PRADC1: variants seen among roughly 807,000 people sequenced by gnomAD.
PRADC1 encodes protease associated domain containing 1.
In PRADC1, 23 loss-of-function variants were observed where a neutral mutation model predicts 22.9. That is an observed-to-expected ratio of 1.00 (90% CI 0.72 to 1.42). The LOEUF (loss-of-function observed/expected upper bound fraction) is 1.42. Among genes scored for constraint, PRADC1 ranks in the 40% most tolerant of loss-of-function variants. PRADC1 has a pLI of 0.00. For missense variants in PRADC1, 207 were observed against 258.3 expected, an observed-to-expected ratio of 0.80 and a Z score of 1.36; for synonymous variants, 71 against 100.3, an observed-to-expected ratio of 0.71 and a Z score of 1.75.
intron 1 of PRADC1, among the ~76,000 whole-genome samples, chr2:73,232,073 C>A (rs1353944736): frequency 6.6e-6 from 1 of 152,164 alleles, no homozygotes; most frequent in African/African-American, 2.4e-5. Flanking sequence ...CGGTGGCTCA[C>A]GCCTGTAATC....
intron 1 of PRADC1, among the ~76,000 whole-genome samples, chr2:73,232,344 AAAAAAAG>A (rs1686666081): frequency 6.6e-6 from 1 of 152,014 alleles, no homozygotes; most frequent in Non-Finnish European, 1.5e-5. Context: ...CTCAAAAAAA[AAAAAAAG>A]AAAAAAAGAA....
chr2:73,228,373 C>A lies in PRADC1; in HGVS notation c.*81G>T. 6.4e-7 allele frequency: 1 copy of A among 1,570,858 alleles called. No homozygotes were observed. Among genetic ancestry groups the A allele is most frequent in the Non-Finnish European group, 8.7e-7 (1 of 1,152,764 alleles). ...CTCCACTTGTCCCCAGATGCTATCT[C>A]CAAATTCCAAGTAGCAAAATTCCTG... On this transcript the variant is annotated 3_prime_UTR_variant, in exon 5 of 5. Transcript: ENST00000258083. The surrounding 1 kb of genome is among the most constrained non-coding windows in gnomAD (Gnocchi z 4.0).
chr2:73,228,363 G>C lies in PRADC1; in HGVS notation c.*91C>G, dbSNP rs1252330087. On this transcript the variant is annotated 3_prime_UTR_variant, in exon 5 of 5. Transcript: ENST00000258083. This position sits in a 1 kb window ranked among gnomAD's most constrained non-coding sequence, Gnocchi z 4.0. ...CTCTACCTGGCTCCACTTGTCCCCA[G>C]ATGCTATCTCCAAATTCCAAGTAGC... is the stretch of plus-strand genomic sequence containing the variant. 1 of 1,525,568 alleles carries C rather than the reference G, an allele frequency of 6.6e-7. No individual in the cohort carries two copies. The highest frequency in any genetic ancestry group is 8.9e-7 in the Non-Finnish European group (1 of 1,117,446). 94.5% of individuals were successfully genotyped at this position (1,525,568 alleles called of 1,614,324 possible).
intron 3 of PRADC1, 63 bp from the exon 4 acceptor site, chr2:73,229,025 T>G: frequency 6.7e-7 from 1 of 1,481,974 alleles, no homozygotes; most frequent in East Asian, 2.3e-5. Context: ...CCCCAGACCA[T>G]CACCCTGGGA....
chr2:73,230,430 T>G (rs769863959), intron 1 of PRADC1, among the ~76,000 whole-genome samples: 2 of 152,230 alleles, frequency 1.3e-5, no homozygotes, highest in Non-Finnish European at 2.9e-5. Context: ...GAGGCTTATA[T>G]CAGCTGCTGC....
At position 73,228,672 on chromosome 2, in the gene PRADC1, T is replaced by A; in HGVS notation, c.447-98A>T. ...TCTGGGAGTTCCAAAGCCCGAGATC[T>A]TTTTTTGCCCTCTAACTGAAGCACC... On this transcript the variant is annotated intron_variant, in intron 4 of 4. Transcript: ENST00000258083. This position sits in a 1 kb window ranked among gnomAD's most constrained non-coding sequence, Gnocchi z 4.0. 1 of 1,591,646 alleles carries A rather than the reference T, an allele frequency of 6.3e-7. No individual in the cohort carries two copies. The highest frequency in any genetic ancestry group is 8.6e-7 in the Non-Finnish European group (1 of 1,165,702).
At chr2:73,229,659 C>G in intron 2 of PRADC1, 89 bp from the exon 3 acceptor site, 1 of 961,856 alleles carries the variant, frequency 1.0e-6, no homozygotes, top group East Asian at 2.5e-5. Context: ...TTATTGGCAC[C>G]TTATAAAGTG....
Position 73,228,945 on chromosome 2 carries a change from G to C in PRADC1, c.296C>G (p.Ser99Cys), listed in dbSNP as rs562846281. 1 of 1,613,920 alleles carries C rather than the reference G, an allele frequency of 6.2e-7. No homozygotes were observed. Among genetic ancestry groups the C allele is most frequent in the Non-Finnish European group, 8.5e-7 (1 of 1,180,000 alleles). ...LVERGGCSFL[S>C]KTRVVQEHGG... The stretch of plus-strand genomic sequence containing the variant: ...GTGCTCCTGGACCACCCGAGTCTTG[G>C]AGAGGAAGGAGCAGCCCCTGGAAGA... Residue 99 changes from serine (S) to cysteine (C), a missense_variant, in exon 4 of 5, where the codon TCC becomes TGC. Transcript: ENST00000258083. This position sits in a 1 kb window ranked among gnomAD's most constrained non-coding sequence, Gnocchi z 4.0.
Position 73,228,712 on chromosome 2 carries a change from G to A in PRADC1, c.446+83C>T. On this transcript the variant is annotated intron_variant, in intron 4 of 4. Transcript: ENST00000258083. The surrounding 1 kb of genome is among the most constrained non-coding windows in gnomAD (Gnocchi z 4.0). ...ACTGAAGCACCCCAAGTTGAGGCCT[G>A]CAAGAAGGGACTGGTGATTACCCCT... The A allele has an allele frequency of 1.3e-6, 2 of 1,582,584 alleles. No individual in the cohort carries two copies. Among genetic ancestry groups the A allele is most frequent in the Non-Finnish European group, 1.7e-6 (2 of 1,160,732 alleles).
Position 73,228,920 on chromosome 2 carries a change from G to A in PRADC1, c.321C>T (p.His107=), listed in dbSNP as rs748507079. ...CAGAGATGATCACCGCCCGCCCGCC[G>A]TGCTCCTGGACCACCCGAGTCTTGG... ...FLSKTRVVQE[H]GGRAVIISDN... is the part of the protein sequence containing the mutation. The change falls in exon 4 of 5, where the codon CAC becomes CAT. Residue 107 remains histidine, a synonymous_variant. Transcript: ENST00000258083. This position sits in a 1 kb window ranked among gnomAD's most constrained non-coding sequence, Gnocchi z 4.0. 7.1e-5 allele frequency: 114 copies of A among 1,613,692 alleles called. 1 individual carries two copies. The highest frequency in any genetic ancestry group is 9.0e-5 in the Non-Finnish European group (106 of 1,179,964).
intron 3 of PRADC1, 99 bp downstream of exon 3, chr2:73,229,361 GA>G: frequency 1.1e-6 from 1 of 872,206 alleles, no homozygotes; most frequent in Non-Finnish European, 1.9e-6. Flanking sequence ...TTAAAAAGAT[GA>G]AATTTTCAAA....
chr2:73,228,478 C>T lies in PRADC1; in HGVS notation c.543G>A (p.Leu181=), dbSNP rs768308152. The T allele has an allele frequency of 2.5e-6, 4 of 1,614,142 alleles. No individual in the cohort carries two copies. Among genetic ancestry groups the T allele is most frequent in the South Asian group, 2.2e-5 (2 of 91,078 alleles). Residue 181 remains leucine, a synonymous_variant, in exon 5 of 5, where the codon CTG becomes CTA. Coordinates refer to ENST00000258083, the MANE Select transcript of PRADC1 (RefSeq NM_032319.3). The surrounding 1 kb of genome is among the most constrained non-coding windows in gnomAD (Gnocchi z 4.0). ...NVTSIPTFEL[L]QPPWTFW ...TCTACCAGAAGGTCCAGGGCGGTTG[C>T]AGCAGCTCAAAGGTGGGGATGCTGG...
rs554158564 is a variant in PRADC1, at chr2:73,230,402, G to A, written c.68-189C>T. Among the ~76,000 whole-genome samples the A allele has an allele frequency of 4.6e-5, 7 of 152,326 alleles. No individual in the cohort carries two copies. The South Asian group carries it at 1.5e-3, about 32-fold the overall frequency. On this transcript the variant is annotated intron_variant, in intron 1 of 4. Transcript: ENST00000258083. ...CTGTCCTGGGGAGGATAGAGTTGATGCAGAGTCATTAACCCCAGAGGCTTA... is the reference window on the plus strand; with the variant it reads ...CTGTCCTGGGGAGGATAGAGTTGATACAGAGTCATTAACCCCAGAGGCTTA...
intron 1 of PRADC1, among the ~76,000 whole-genome samples, chr2:73,232,475 A>C (rs1686675132): frequency 2.6e-5 from 4 of 152,218 alleles, no homozygotes; most frequent in African/African-American, 9.6e-5. Flanking sequence ...CACAGCCATC[A>C]GTTAGAGCTC....
intron 1 of PRADC1, among the ~76,000 whole-genome samples, chr2:73,232,706 G>A (rs1309120935): frequency 6.6e-6 from 1 of 152,196 alleles, no homozygotes; most frequent in African/African-American, 2.4e-5. Context: ...AGGTGTAAAC[G>A]GTTTGTGCGT....
chr2:73,229,729 T>C, intron 2 of PRADC1, 159 bp from the exon 3 acceptor site: 1 of 637,176 alleles, frequency 1.6e-6, no homozygotes, highest in Non-Finnish European at 2.8e-6. Flanking sequence ...TACTTAATTC[T>C]CGCAAAGGCC....
At position 73,229,479 on chromosome 2, in the gene PRADC1, A is replaced by G. The variant is rs1359311078; in HGVS notation, c.260T>C (p.Ile87Thr). The G allele has an allele frequency of 3.1e-6, 5 of 1,590,792 alleles. No homozygotes were observed. Among genetic ancestry groups the G allele is most frequent in the Middle Eastern group, 1.7e-4 (1 of 6,030 alleles). ...LSNGFFIQDQ[I>T]ALVERGGCSF... ...TCCTTACCCCCTCTCCACCAGAGCA[A>G]TCTGGTCCTGGATGAAGAAACCGTT... Residue 87 changes from isoleucine (I) to threonine (T), a missense_variant, in exon 3 of 5, where the codon ATT becomes ACT. Physicochemically the swap from Ile to Thr is moderately conservative, Grantham distance 89. Coordinates refer to ENST00000258083, the MANE Select transcript of PRADC1 (RefSeq NM_032319.3).
In PRADC1 at chr2:73,228,500, C is replaced by T. The variant is rs1352328189; in HGVS notation, c.521G>A (p.Ser174Asn). The change falls in exon 5 of 5, where the codon AGC (serine) becomes AAC (asparagine). Residue 174 changes from serine to asparagine, a missense_variant. Ser to Asn is a conservative substitution (Grantham distance 46). Transcript: ENST00000258083. The surrounding 1 kb of genome is among the most constrained non-coding windows in gnomAD (Gnocchi z 4.0). ...AIISIPVNVT[S>N]IPTFELLQPP... ...TTGCAGCAGCTCAAAGGTGGGGATG[C>T]TGGTGACATTGACTGGGATGGAAAT... The T allele has an allele frequency of 6.2e-7, 1 of 1,614,120 alleles. No individual in the cohort carries two copies. The highest frequency in any genetic ancestry group is 8.5e-7 in the Non-Finnish European group (1 of 1,180,054).
rs1423705717 is a variant in PRADC1, at chr2:73,230,158, T to C, written c.123A>G (p.Arg41=). 1 of 1,613,942 alleles carries C rather than the reference T, an allele frequency of 6.2e-7. No individual in the cohort carries two copies. Among genetic ancestry groups the C allele is most frequent in the Non-Finnish European group, 8.5e-7 (1 of 1,179,960 alleles). ...YFQVLSPGDI[R]YIFTATPAKD... is the part of the protein sequence containing the mutation. ...TGGCAGGTGTGGCTGTGAAGATGTA[T>C]CGAATGTCCCCAGGACTCAGCACTT... is the stretch of plus-strand genomic sequence containing the variant. The change falls in exon 2 of 5, where the codon CGA becomes CGG. Residue 41 remains arginine (R), a synonymous_variant. Transcript: ENST00000258083.
Sources: allele counts gnomAD v4.1 joint callset (sites outside exome capture counted in the v4.1 genomes callset), GRCh38; gene constraint gnomAD v4.1.1; non-coding constraint Gnocchi (gnomAD v3.1); transcripts MANE v1.5; gene names NCBI Gene and HGNC (gene_info 2026-07-23, HGNC 2026-07-21).